PCLO: variants seen among roughly 807,000 people sequenced by gnomAD.
PCLO encodes the protein protein piccolo.
A neutral mutation model predicts 427.5 loss-of-function variants in PCLO; 82 were observed. The observed-to-expected ratio is 0.19, with a 90% CI of 0.16 to 0.23. The LOEUF is 0.23. Ranked by LOEUF, PCLO falls within the 10% of genes least tolerant of loss-of-function variation. PCLO has a pLI of 1.00. For missense variants in PCLO, 6,239 were observed against 6,115.9 expected, an observed-to-expected ratio of 1.02 and a Z score of -0.67; for synonymous variants, 2,357 against 2,155.4, an observed-to-expected ratio of 1.09 and a Z score of -2.59.
At chr7:83,101,845 T>C (rs1285258087) in intron 3 of PCLO, among the ~76,000 whole-genome samples, 1 of 152,150 alleles carries the variant, frequency 6.6e-6, no homozygotes, top group Non-Finnish European at 1.5e-5. Flanking sequence ...TAACATTTCT[T>C]AGTAGACATC....
chr7:83,059,357 AATAT>A (rs752009069), intron 3 of PCLO, among the ~76,000 whole-genome samples: 3 of 111,814 alleles, frequency 2.7e-5, no homozygotes, highest in Non-Finnish European at 5.2e-5. Context: ...ACACCTTTAA[AATAT>A]ATATATATAT....
rs1438840466 is a variant in PCLO, at chr7:82,916,628, C to T, written c.11358G>A (p.Glu3786=). Residue 3786 remains glutamate, a synonymous_variant, in exon 7 of 25, where the codon GAG becomes GAA. Transcript: ENST00000333891. ...CAATCTCCTTTTCTTCTTCATCAAG[C>T]TCTGCTTGTTTCTTTCGAAGTTTTG... is the stretch of plus-strand genomic sequence containing the variant. ...ESAKLRKKQA[E]LDEEEKEIDA... The T allele has an allele frequency of 6.2e-7, 1 of 1,613,528 alleles. No individual in the cohort carries two copies. The highest frequency in any genetic ancestry group is 1.3e-5 in the African/African-American group (1 of 74,902).
At chr7:82,839,895 T>C (rs896565702) in intron 14 of PCLO, among the ~76,000 whole-genome samples, 1 of 151,166 alleles carries the variant, frequency 6.6e-6, no homozygotes, top group Non-Finnish European at 1.5e-5. Flanking sequence ...GAGCCTTTGC[T>C]AAAATAAAAT....
chr7:83,051,714 G>GT (rs1246617464), intron 3 of PCLO, among the ~76,000 whole-genome samples: 3 of 152,102 alleles, frequency 2.0e-5, no homozygotes, highest in African/African-American at 7.2e-5. Flanking sequence ...TCTAAAGTTT[G>GT]TATGGAAAAG....
chr7:82,772,853 T>C (rs17156659), intron 22 of PCLO, among the ~76,000 whole-genome samples: 9,661 of 152,216 alleles, frequency 0.063, 719 homozygotes, highest in African/African-American at 0.18. Flanking sequence ...CTTACTATTT[T>C]ATAGGAGACA....
At chr7:82,944,991 A>G (rs183838633) in intron 6 of PCLO, among the ~76,000 whole-genome samples, 203 of 152,306 alleles carry the variant, frequency 1.3e-3, no homozygotes, top group African/African-American at 4.6e-3. Context: ...GCCACCTTTC[A>G]TTAAAATGTA....
chr7:83,126,252 G>A (rs574311367), intron 3 of PCLO, among the ~76,000 whole-genome samples: 4 of 152,324 alleles, frequency 2.6e-5, no homozygotes, highest in Admixed American at 1.3e-4. Context: ...GAGCAGGGCT[G>A]TGGGGATAGT....
At position 82,916,034 on chromosome 7, in the gene PCLO, T is replaced by A; in HGVS notation, c.11952A>T (p.Gln3984His). Reference protein sequence around the residue: ...ITSNYEVIRNQPLMIAPVSTD... With the variant: ...ITSNYEVIRNHPLMIAPVSTD... ...TAGAAACAGGTGCTATCATAAGGGG[T>A]TGGTTGCGAATCACTTCATAGTTTG... Residue 3984 changes from glutamine to histidine, a missense_variant, in exon 7 of 25, where the codon CAA (glutamine) becomes CAT (histidine). This residue lies in a region of PCLO where 680 missense variants were observed against 677.3 expected (regional missense o/e 1.00). Transcript: ENST00000333891. 1 of 1,612,718 alleles carries A rather than the reference T, an allele frequency of 6.2e-7. No individual in the cohort carries two copies. Among genetic ancestry groups the A allele is most frequent in the Non-Finnish European group, 8.5e-7 (1 of 1,179,728 alleles).
intron 22 of PCLO, among the ~76,000 whole-genome samples, chr7:82,764,765 G>A (rs1018620507): frequency 1.2e-4 from 18 of 151,754 alleles, no homozygotes; most frequent in Non-Finnish European, 1.8e-4. Context: ...ATCAATATCC[G>A]TGTACCACTT....
chr7:83,084,386 G>A (rs1026198033), intron 3 of PCLO, among the ~76,000 whole-genome samples: 1 of 151,988 alleles, frequency 6.6e-6, no homozygotes, highest in Non-Finnish European at 1.5e-5. Context: ...AAATACAAAT[G>A]AAATAATTCA....
At chr7:82,975,489 G>C (rs1326872236) in intron 3 of PCLO, among the ~76,000 whole-genome samples, 1 of 152,164 alleles carries the variant, frequency 6.6e-6, no homozygotes, top group Non-Finnish European at 1.5e-5. Flanking sequence ...ATGCAGAATG[G>C]ATACTGGTGG....
intron 22 of PCLO, among the ~76,000 whole-genome samples, chr7:82,787,025 A>C (rs1159531039): frequency 6.6e-6 from 1 of 151,954 alleles, no homozygotes; most frequent in African/African-American, 2.4e-5. Context: ...AGTCTTTTCT[A>C]TTGTGAACAC....
intron 16 of PCLO, among the ~76,000 whole-genome samples, chr7:82,831,403 T>G (rs1792089459): frequency 6.6e-6 from 1 of 152,118 alleles, no homozygotes; most frequent in Non-Finnish European, 1.5e-5. Flanking sequence ...TTCTTTATAA[T>G]CTAAAATTCT....
intron 3 of PCLO, among the ~76,000 whole-genome samples, chr7:83,004,662 CAAAGT>C (rs1310324054): frequency 6.6e-6 from 1 of 151,180 alleles, no homozygotes; most frequent in African/African-American, 2.4e-5. Flanking sequence ...AAAACAAAAG[CAAAGT>C]AAACAAGTTG....
Position 82,841,504 on chromosome 7 carries a change from G to C in PCLO, c.14052C>G (p.Thr4684=). ...GATGAGAGACAACCTTTGTTCCATCGGTAGGCTGTAATATTAAAGAACATA... is the reference window on the plus strand; with the variant it reads ...GATGAGAGACAACCTTTGTTCCATCCGTAGGCTGTAATATTAAAGAACATA... ...SKKKHGSSKP[T]DGTKVVSHPI... is the part of the protein sequence containing the mutation. Residue 4684 remains threonine (T), a synonymous_variant, in exon 14 of 25, where the codon ACC becomes ACG. Transcript: ENST00000333891. 1 of 1,572,410 alleles carries C rather than the reference G, an allele frequency of 6.4e-7. No homozygotes were observed. The highest frequency in any genetic ancestry group is 8.7e-7 in the Non-Finnish European group (1 of 1,143,586).
chr7:83,021,987 T>TATGGTCTGA (rs1788355568), intron 3 of PCLO, among the ~76,000 whole-genome samples: 1 of 152,206 alleles, frequency 6.6e-6, no homozygotes, highest in South Asian at 2.1e-4. Flanking sequence ...TTGGATATGT[T>TATGGTCTGA]ATGGTCTGAA....
chr7:82,846,707 C>A, intron 11 of PCLO, 73 bp from the exon 12 acceptor site: 1 of 952,212 alleles, frequency 1.1e-6, no homozygotes, highest in East Asian at 2.5e-5. Context: ...TTCCAACTAC[C>A]CTTAATTTTT....
intron 2 of PCLO, among the ~76,000 whole-genome samples, chr7:83,141,194 A>C (rs1791850676): frequency 6.6e-6 from 1 of 152,352 alleles, no homozygotes; most frequent in Admixed American, 6.5e-5. Flanking sequence ...GAAACGGAAT[A>C]AACTCTACCA....
At chr7:82,800,594 T>C (rs1562791896) in intron 22 of PCLO, among the ~76,000 whole-genome samples, 1 of 151,922 alleles carries the variant, frequency 6.6e-6, no homozygotes, top group Non-Finnish European at 1.5e-5. Flanking sequence ...GGCTACTAGA[T>C]TTTATTTATT....
Sources: gnomAD v4.1 joint callset for allele counts (sites outside exome capture counted in the v4.1 genomes callset) on GRCh38, gnomAD v4.1.1 for gene constraint, gnomAD v4.1.1 regional missense constraint, MANE v1.5 for transcripts, NCBI Gene and HGNC (gene_info 2026-07-23, HGNC 2026-07-21) for gene names.